Variants in FSTL1 observed in about 807,000 individuals in gnomAD.
FSTL1 encodes the protein follistatin-related protein 1.
Under a neutral mutation model 45.9 loss-of-function variants are expected in FSTL1, and 24 were observed. The ratio of observed to expected loss-of-function variants is 0.52; its 90% CI spans 0.38 to 0.74. FSTL1 has a LOEUF of 0.74. FSTL1 is among the 30% of genes least tolerant of loss of function. The probability of loss-of-function intolerance (pLI) is 0.00; values close to 1 mark genes in which losing one functional copy is unlikely to be tolerated. For synonymous variants in FSTL1, 120 were observed against 137.6 expected, an observed-to-expected ratio of 0.87 and a Z score of 0.89; for missense variants, 340 against 381.8, an observed-to-expected ratio of 0.89 and a Z score of 0.91.
chr3:120,428,195 A>T (rs1485229498), intron 2 of FSTL1, among the ~76,000 whole-genome samples: 1 of 152,142 alleles, frequency 6.6e-6, no homozygotes, highest in African/African-American at 2.4e-5. Context: ...CACTAGGCTG[A>T]CCTTGCAGTG....
intron 7 of FSTL1, among the ~76,000 whole-genome samples, chr3:120,403,961 C>CAA (rs57786208): frequency 3.4e-4 from 26 of 75,774 alleles, no homozygotes; most frequent in Admixed American, 1.0e-3. Context: ...CAAAACAAAA[C>CAA]AAAAACAAAA....
At chr3:120,422,671 A>G (rs767983469) in intron 2 of FSTL1, among the ~76,000 whole-genome samples, 2 of 152,178 alleles carry the variant, frequency 1.3e-5, no homozygotes, top group Admixed American at 6.5e-5. Context: ...GATTTAAAAA[A>G]ATCTATTATG....
intron 6 of FSTL1, among the ~76,000 whole-genome samples, chr3:120,408,769 G>C (rs1936994501): frequency 6.6e-6 from 1 of 152,018 alleles, no homozygotes; most frequent in Non-Finnish European, 1.5e-5. Flanking sequence ...GAGTTTAAGT[G>C]TGTCCTTCTC....
chr3:120,411,728 C>T (rs973250054), intron 4 of FSTL1, 126 bp downstream of exon 4: 29 of 845,112 alleles, frequency 3.4e-5, no homozygotes, highest in African/African-American at 1.4e-4. Flanking sequence ...ACCAACTGGG[C>T]GCTTTCCACA....
At chr3:120,404,354 C>T (rs921646898) in intron 7 of FSTL1, among the ~76,000 whole-genome samples, 4 of 152,102 alleles carry the variant, frequency 2.6e-5, no homozygotes, top group African/African-American at 9.7e-5. Context: ...GAAACCACAT[C>T]AAAAGTTTCT....
chr3:120,421,300 T>C (rs1028619939), intron 2 of FSTL1: 4 of 152,232 alleles, frequency 2.6e-5, no homozygotes, highest in Non-Finnish European at 5.9e-5. Context: ...AGGTGGAATT[T>C]TGGCTCTACT....
chr3:120,412,135 G>GCGA (rs940147175), intron 3 of FSTL1, 152 bp from the exon 4 acceptor site: 1 of 758,050 alleles, frequency 1.3e-6, no homozygotes, highest in African/African-American at 1.8e-5. Context: ...CAGGGCACAG[G>GCGA]CAGTCACAGT....
At chr3:120,413,985 GT>G (rs976563818) in intron 3 of FSTL1, among the ~76,000 whole-genome samples, 2 of 151,978 alleles carry the variant, frequency 1.3e-5, no homozygotes, top group Non-Finnish European at 2.9e-5. Flanking sequence ...GTTTCGCTGT[GT>G]TGGCCAGGCC....
Position 120,415,139 on chromosome 3 carries a change from TA to T in FSTL1, c.168+783del, listed in dbSNP as rs796807958. Among the ~76,000 whole-genome samples the T allele has an allele frequency of 6.8e-3, 974 of 142,816 alleles. 8 individuals are homozygous for T. The highest frequency in any genetic ancestry group is 0.021 in the African/African-American group (828 of 38,822). 93.7% of individuals were successfully genotyped at this position (142,816 alleles called of 152,430 possible). A position where few individuals can be genotyped will look rare whatever the true frequency, so the allele number is the denominator to read the frequency against. On this transcript the variant is annotated intron_variant, in intron 3 of 10. Coordinates refer to ENST00000295633, the MANE Select transcript of FSTL1 (RefSeq NM_007085.5). ...TTGTTTTTCAAAAAAAAAAAAACATTAAAAAAAAAAAACCCTGCATCTCATC... is the reference window on the plus strand; with the variant it reads ...TTGTTTTTCAAAAAAAAAAAAACATTAAAAAAAAAAACCCTGCATCTCATC...
At chr3:120,413,776 A>C (rs1576214683) in intron 3 of FSTL1, among the ~76,000 whole-genome samples, 4 of 35,938 alleles carry the variant, frequency 1.1e-4, no homozygotes, top group Middle Eastern at 0.014. Context: ...TAAAAAAAAA[A>C]CTCCCTCTCC....
intron 2 of FSTL1, among the ~76,000 whole-genome samples, chr3:120,432,095 A>G (rs1937487340): frequency 6.6e-6 from 1 of 152,196 alleles, no homozygotes; most frequent in African/African-American, 2.4e-5. Flanking sequence ...TCTTAGCTAA[A>G]TATGCTTTTT....
Position 120,443,271 on chromosome 3 carries a change from G to A in FSTL1, c.63+7413C>T, listed in dbSNP as rs192483080. 2.0e-3 allele frequency among the ~76,000 whole-genome samples: 298 copies of A among 149,340 alleles called. 33 individuals carry two copies. The highest frequency in any genetic ancestry group is 5.9e-3 in the African/African-American group (227 of 38,788). On this transcript the variant is annotated intron_variant, in intron 2 of 10. Coordinates refer to ENST00000295633, the MANE Select transcript of FSTL1 (RefSeq NM_007085.5). ...AGGATTTTCTGAAGTAGTGCCAAGA[G>A]GTGAGGAAGGGGAATTTCTGCTAAA...
At chr3:120,402,484 T>C (rs1047054579) in intron 9 of FSTL1, among the ~76,000 whole-genome samples, 3 of 152,092 alleles carry the variant, frequency 2.0e-5, no homozygotes, top group African/African-American at 7.2e-5. Flanking sequence ...ATTACTATTT[T>C]TAATTATTAT....
rs1326309429 is a variant in FSTL1, at chr3:120,395,644, A to G, written c.*1308T>C. ...GTCATCTTGTTTTTGGCCATCTGACATTTCTTGTTCTAGTAACAAGATTTC... is the reference window on the plus strand; with the variant it reads ...GTCATCTTGTTTTTGGCCATCTGACGTTTCTTGTTCTAGTAACAAGATTTC... On this transcript the variant is annotated 3_prime_UTR_variant, in exon 11 of 11. Coordinates refer to ENST00000295633, the MANE Select transcript of FSTL1 (RefSeq NM_007085.5). 2 of 533,684 alleles carry G rather than the reference A, an allele frequency of 3.7e-6. No individual in the cohort carries two copies. Among genetic ancestry groups the G allele is most frequent in the Admixed American group, 3.9e-5 (2 of 51,496 alleles). 33.1% of individuals were successfully genotyped at this position (533,684 alleles called of 1,614,324 possible).
At chr3:120,431,039 T>C (rs1242879213) in intron 2 of FSTL1, among the ~76,000 whole-genome samples, 1 of 152,230 alleles carries the variant, frequency 6.6e-6, no homozygotes, top group Non-Finnish European at 1.5e-5. Context: ...TGGCATGATC[T>C]CAGCTCACTG....
intron 2 of FSTL1, among the ~76,000 whole-genome samples, chr3:120,424,802 T>C (rs1937348497): frequency 6.6e-6 from 1 of 151,968 alleles, no homozygotes; most frequent in Admixed American, 6.6e-5. Flanking sequence ...TGTGTCTCTA[T>C]CAGAAATGAA....
chr3:120,416,078 T>C (rs757003915), intron 2 of FSTL1, 51 bp from the exon 3 acceptor site: 2 of 1,245,340 alleles, frequency 1.6e-6, no homozygotes, highest in South Asian at 2.4e-5. Context: ...GAACCCATTA[T>C]GGAATGAGCC....
At chr3:120,408,123 G>A (rs985172166) in intron 6 of FSTL1, among the ~76,000 whole-genome samples, 1 of 152,224 alleles carries the variant, frequency 6.6e-6, no homozygotes, top group African/African-American at 2.4e-5. Flanking sequence ...CACACAGCAG[G>A]CCCTGCAGGT....
At chr3:120,400,177 C>G in intron 9 of FSTL1, 2 of 570,414 alleles carry the variant, frequency 3.5e-6, no homozygotes, top group Non-Finnish European at 6.3e-6. Context: ...CCCAACTCCT[C>G]TCTGGCCTTT....
Sources: gnomAD v4.1 joint callset for allele counts (sites outside exome capture counted in the v4.1 genomes callset) on GRCh38, gnomAD v4.1.1 for gene constraint, MANE v1.5 for transcripts, NCBI Gene and HGNC (gene_info 2026-07-23, HGNC 2026-07-21) for gene names.